Variants in CYP2A6 observed in about 807,000 individuals in gnomAD.
CYP2A6 encodes the protein cytochrome P450 2A6.
A neutral mutation model predicts 42.3 loss-of-function variants in CYP2A6; 27 were observed. The observed-to-expected ratio is 0.64, with a 90% CI of 0.47 to 0.88. The LOEUF (loss-of-function observed/expected upper bound fraction) is 0.88. Ranked by LOEUF, CYP2A6 falls within the 40% of genes least tolerant of loss-of-function variation. The pLI is 0.00. For missense variants in CYP2A6, 628 were observed against 646.0 expected (o/e 0.97, Z 0.30); for synonymous variants, 238 against 246.3 (o/e 0.97, Z 0.31).
chr19:40,846,638 C>T (rs1568514750), intron 5 of CYP2A6, among the ~76,000 whole-genome samples: 1 of 151,442 alleles, frequency 6.6e-6, no homozygotes, highest in Non-Finnish European at 1.5e-5. Context: ...TTAGTAGAGA[C>T]GGGGTTTGAC....
chr19:40,843,746 T>TGCCCTTTCCCTGGCCCC lies in CYP2A6; in HGVS notation c.*33_*49dup. 4 of 1,303,348 alleles carry TGCCCTTTCCCTGGCCCC rather than the reference T, an allele frequency of 3.1e-6. No homozygotes were observed. Among genetic ancestry groups the TGCCCTTTCCCTGGCCCC allele is most frequent in the Non-Finnish European group, 4.1e-6 (4 of 982,152 alleles). 80.7% of individuals were successfully genotyped at this position (1,303,348 alleles called of 1,614,324 possible). A position where few individuals can be genotyped will look rare whatever the true frequency, so the allele number is the denominator to read the frequency against. ...CCTCTCCCAAGCCCGGTCTTGGCCC[T>TGCCCTTTCCCTGGCCCC]GCCCTTTCCCTGGCCCCGCCCACCA... On this transcript the variant is annotated 3_prime_UTR_variant, in exon 9 of 9. Transcript: ENST00000301141.
chr19:40,850,178 C>A, intron 1 of CYP2A6, 69 bp downstream of exon 1: 1 of 1,570,506 alleles, frequency 6.4e-7, no homozygotes, highest in Non-Finnish European at 8.6e-7. Flanking sequence ...TGGTCAACCC[C>A]CTGCCACAAA....
chr19:40,844,779 G>A lies in CYP2A6; in HGVS notation c.1162-7C>T, dbSNP rs372324955. 1.4e-5 allele frequency: 23 copies of A among 1,609,054 alleles called. No individual in the cohort carries two copies. Among genetic ancestry groups the A allele is most frequent in the Non-Finnish European group, 1.9e-5 (22 of 1,178,408 alleles). On this transcript the variant is annotated splice_polypyrimidine_tract_variant and splice_region_variant and intron_variant, in intron 7 of 8. Transcript: ENST00000301141. ...TAGGGTACACTTCGGTGCCCTGGTA[G>A]GGAGGAGGAAGTTGTGTGTGATGAG...
rs1809810 is a variant in CYP2A6 at position 40,844,759 on chromosome 19, T to C, written c.1175A>G (p.Tyr392Cys). ...TCTCAGCACAGAGCCCAGCATAGGG[T>C]ACACTTCGGTGCCCTGGTAGGGAGG... ...DFFLPKGTEV[Y>C]PMLGSVLRDP... Residue 392 changes from tyrosine to cysteine, a missense_variant, in exon 8 of 9, where the codon TAC becomes TGC. Physicochemically the swap from Tyr to Cys is radical, Grantham distance 194. Around this residue, in one of 2 missense-constraint regions of CYP2A6, gnomAD observed 606 missense variants for 568.1 expected, o/e 1.07. Coordinates refer to ENST00000301141, the MANE Select transcript of CYP2A6 (RefSeq NM_000762.6). The C allele has an allele frequency of 6.2e-7, 1 of 1,610,624 alleles. No individual in the cohort carries two copies. The highest frequency in any genetic ancestry group is 8.5e-7 in the Non-Finnish European group (1 of 1,179,192).
At chr19:40,849,345 G>T (rs1463852313) in intron 2 of CYP2A6, among the ~76,000 whole-genome samples, 1 of 151,316 alleles carries the variant, frequency 6.6e-6, no homozygotes. Context: ...AACAGAGAGG[G>T]TCTGGAAGGA....
chr19:40,844,336 G>A (rs2644908), intron 8 of CYP2A6, among the ~76,000 whole-genome samples: 348 of 149,820 alleles, frequency 2.3e-3, no homozygotes, highest in African/African-American at 7.8e-3. Context: ...TTCCTGCCAG[G>A]TACACTTGCA....
At position 40,845,288 on chromosome 19, in the gene CYP2A6, T is replaced by C. The variant is rs764924638; in HGVS notation, c.1161+6A>G. 5 of 1,611,448 alleles carry C rather than the reference T, an allele frequency of 3.1e-6. No individual in the cohort carries two copies. In the African/African-American group the frequency reaches 4.0e-5, roughly 13 times the overall value. On this transcript the variant is annotated splice_donor_region_variant and intron_variant, in intron 7 of 8. Coordinates refer to ENST00000301141, the MANE Select transcript of CYP2A6 (RefSeq NM_000762.6). ...CCGTAGTCTGGGGGGTGGGGGCGGA[T>C]AGCACCTTAGGGAGGAAGAAATCCC...
rs771986786 is a variant in CYP2A6, at chr19:40,848,221, G to C, written c.652C>G (p.Gln218Glu). 5.6e-6 allele frequency: 9 copies of C among 1,611,712 alleles called. No homozygotes were observed. The African/African-American group carries it at 1.1e-4, about 19-fold the overall frequency. The change falls in exon 4 of 9, where the codon CAG becomes GAG. Residue 218 changes from glutamine to glutamate, a missense_variant and splice_region_variant. Physicochemically the swap from Gln to Glu is conservative, Grantham distance 29 (BLOSUM62 2). Coordinates refer to ENST00000301141, the MANE Select transcript of CYP2A6 (RefSeq NM_000762.6). The part of the protein sequence containing the change: ...IFQFTSTSTG[Q>E]LYEMFSSVMK... ...CGGGCCGGGCTGCAGCCAGTTACCTGCCCCGTGGAGGTTGACGTGAACTGG... is the reference window on the plus strand; with the variant it reads ...CGGGCCGGGCTGCAGCCAGTTACCTCCCCCGTGGAGGTTGACGTGAACTGG...
In CYP2A6 at chr19:40,850,398, G is replaced by T; in HGVS notation, c.29C>A (p.Ala10Asp). 3 of 1,609,916 alleles carry T rather than the reference G, an allele frequency of 1.9e-6. No individual in the cohort carries two copies. The highest frequency in any genetic ancestry group is 2.5e-6 in the Non-Finnish European group (3 of 1,178,630). MLASGMLLV[A>D]LLVCLTVMVL... ...CATTACAGTCAGGCAGACCAGCAAG[G>T]CCACCAGAAGCATCCCTGAGGCCAG... is the stretch of plus-strand genomic sequence containing the variant. The change falls in exon 1 of 9, where the codon GCC becomes GAC. Residue 10 changes from alanine to aspartate, a missense_variant. Ala to Asp is a moderately radical substitution (Grantham distance 126, BLOSUM62 -2). Around this residue, in one of 2 missense-constraint regions of CYP2A6, gnomAD observed 606 missense variants for 568.1 expected, o/e 1.07. Coordinates refer to ENST00000301141, the MANE Select transcript of CYP2A6 (RefSeq NM_000762.6).
intron 6 of CYP2A6, 93 bp from the exon 7 acceptor site, chr19:40,845,574 T>C (rs1364986989): frequency 1.3e-6 from 2 of 1,555,004 alleles, no homozygotes; most frequent in African/African-American, 2.7e-5. Flanking sequence ...ATGATATGGC[T>C]CCGCCTATGA....
At chr19:40,844,808 G>T in intron 7 of CYP2A6, 36 bp from the exon 8 acceptor site, 1 of 1,591,794 alleles carries the variant, frequency 6.3e-7, no homozygotes, top group Non-Finnish European at 8.6e-7. Context: ...TGATGAGGAG[G>T]GTCGGGGGAT....
At chr19:40,848,978 A>G (rs980664611) in intron 2 of CYP2A6, among the ~76,000 whole-genome samples, 115 of 69,772 alleles carry the variant, frequency 1.6e-3, no homozygotes, top group South Asian at 4.8e-3. Flanking sequence ...GAGAGAGAGA[A>G]GAGAGAGAGG....
chr19:40,845,076 C>G, intron 7 of CYP2A6: 1 of 663,912 alleles, frequency 1.5e-6, no homozygotes, highest in Non-Finnish European at 2.5e-6. Flanking sequence ...AGTTTGGGAA[C>G]ATGTGTTTGA....
At chr19:40,847,548 G>A (rs1288216289) in intron 4 of CYP2A6, among the ~76,000 whole-genome samples, 1 of 151,510 alleles carries the variant, frequency 6.6e-6, no homozygotes, top group African/African-American at 2.4e-5. Flanking sequence ...TGAAGTGGAG[G>A]GGATACCTGT....
At chr19:40,846,163 T>C in intron 5 of CYP2A6, 66 bp from the exon 6 acceptor site, 4 of 1,587,442 alleles carry the variant, frequency 2.5e-6, no homozygotes. Context: ...CTAGGGCTTT[T>C]CCTTTGGATC....
chr19:40,844,935 C>G, intron 7 of CYP2A6, 163 bp from the exon 8 acceptor site: 1 of 928,378 alleles, frequency 1.1e-6, no homozygotes, highest in Non-Finnish European at 1.6e-6. Context: ...AGAAGGTTCA[C>G]ATCTCTGAAA....
At position 40,848,684 on chromosome 19, in the gene CYP2A6, G is replaced by T. The variant is rs1599779721; in HGVS notation, c.423C>A (p.Gly141=). Reference sequence around the variant, plus strand: ...GGATGCGCTCCTCGATGCCTCGCTTGCCCACCCCGAAGTCCCGCAGGGTGG... The same window carrying T: ...GGATGCGCTCCTCGATGCCTCGCTTTCCCACCCCGAAGTCCCGCAGGGTGG... ...SIATLRDFGV[G]KRGIEERIQE... The change falls in exon 3 of 9, where the codon GGC becomes GGA. Residue 141 remains glycine (G), a synonymous_variant. Transcript: ENST00000301141. 6.2e-7 allele frequency: 1 copy of T among 1,611,852 alleles called. No individual in the cohort carries two copies. Among genetic ancestry groups the T allele is most frequent in the Non-Finnish European group, 8.5e-7 (1 of 1,179,906 alleles).
chr19:40,846,807 GCCCCACTC>G, intron 5 of CYP2A6, 60 bp downstream of exon 5: 11 of 1,582,648 alleles, frequency 7.0e-6, no homozygotes, highest in Non-Finnish European at 9.5e-6. Flanking sequence ...TCATCTGCCT[GCCCCACTC>G]CCAGACTGAT....
chr19:40,844,853 G>T (rs1428324666), intron 7 of CYP2A6, 81 bp from the exon 8 acceptor site: 37 of 1,516,276 alleles, frequency 2.4e-5, no homozygotes, highest in Middle Eastern at 2.2e-4. Flanking sequence ...GGGGGAACTA[G>T]TGTGCCCCAG....
Sources: allele counts gnomAD v4.1 joint callset (sites outside exome capture counted in the v4.1 genomes callset), GRCh38; gene constraint gnomAD v4.1.1; regional missense constraint gnomAD v4.1.1; transcripts MANE v1.5; gene names NCBI Gene and HGNC (gene_info 2026-07-23, HGNC 2026-07-21).